Variants in AKAP10 observed in about 807,000 individuals in gnomAD.
The protein encoded by AKAP10 is A-kinase anchoring protein 10.
Under a neutral mutation model 80.8 loss-of-function variants are expected in AKAP10, and 24 were observed. The ratio of observed to expected loss-of-function variants is 0.30; its 90% CI spans 0.22 to 0.42. The LOEUF is 0.42. Among genes scored for constraint, AKAP10 ranks in the 10% least tolerant of loss-of-function variants. The probability of loss-of-function intolerance (pLI) is 1.00; values close to 1 mark genes in which losing one functional copy is unlikely to be tolerated. For synonymous variants in AKAP10, 291 were observed against 277.7 expected, an observed-to-expected ratio of 1.05 and a Z score of -0.48; for missense variants, 661 against 794.9, an observed-to-expected ratio of 0.83 and a Z score of 2.03.
chr17:19,962,293 TATACAC>T (rs879322390), intron 3 of AKAP10, among the ~76,000 whole-genome samples: 14,223 of 131,384 alleles, frequency 0.11, 712 homozygotes, highest in Admixed American at 0.14. Flanking sequence ...CATACATACA[TATACAC>T]ACACACACAC....
intron 4 of AKAP10, among the ~76,000 whole-genome samples, chr17:19,954,474 T>C (rs1316352488): frequency 6.7e-6 from 1 of 149,416 alleles, no homozygotes; most frequent in Non-Finnish European, 1.5e-5. Flanking sequence ...ACGTAAAGTG[T>C]AAAACCATAA....
At position 19,906,102 on chromosome 17, in the gene AKAP10, C is replaced by A; in HGVS notation, c.*125G>T. ...GTCTAGGATTGTCTCCCATTCTCTC[C>A]TGGAAACAACAGTGACAGATCAGAA... On this transcript the variant is annotated 3_prime_UTR_variant, in exon 15 of 15. Coordinates refer to ENST00000225737, the MANE Select transcript of AKAP10 (RefSeq NM_007202.4). 9.2e-7 allele frequency: 1 copy of A among 1,090,622 alleles called. No individual in the cohort carries two copies. The highest frequency in any genetic ancestry group is 1.5e-5 in the South Asian group (1 of 67,576). 67.6% of individuals were successfully genotyped at this position (1,090,622 alleles called of 1,614,324 possible). A position where few individuals can be genotyped will look rare whatever the true frequency, so the allele number is the denominator to read the frequency against.
chr17:19,977,703 G>A lies in AKAP10; in HGVS notation c.-24C>T, dbSNP rs1221480366. 5 of 1,221,316 alleles carry A rather than the reference G, an allele frequency of 4.1e-6. No homozygotes were observed. Among genetic ancestry groups the A allele is most frequent in the South Asian group, 4.1e-5 (1 of 24,106 alleles). 75.7% of individuals were successfully genotyped at this position (1,221,316 alleles called of 1,614,324 possible). A position where few individuals can be genotyped will look rare whatever the true frequency, so the allele number is the denominator to read the frequency against. ...ATTCAGCAACCGGCCCGGACTTCCGGGTCCAGAGGGGCCGCTGCACTAGCG... is the reference window on the plus strand; with the variant it reads ...ATTCAGCAACCGGCCCGGACTTCCGAGTCCAGAGGGGCCGCTGCACTAGCG... On this transcript the variant is annotated 5_prime_UTR_variant, in exon 1 of 15. Coordinates refer to ENST00000225737, the MANE Select transcript of AKAP10 (RefSeq NM_007202.4).
intron 8 of AKAP10, among the ~76,000 whole-genome samples, chr17:19,938,965 C>T (rs769523075): frequency 2.6e-5 from 4 of 152,116 alleles, no homozygotes; most frequent in Admixed American, 2.0e-4. Flanking sequence ...TTCCTGGGCT[C>T]AAGCGATTCA....
Position 19,905,248 on chromosome 17 carries a change from A to C in AKAP10, c.*979T>G, listed in dbSNP as rs531470809. On this transcript the variant is annotated 3_prime_UTR_variant, in exon 15 of 15. Transcript: ENST00000225737. Reference sequence around the variant, plus strand: ...TTACTATCCTAAAGAAAGGAGAAGAAAGACGACCAACTGCACACTTTCCAG... The same window carrying C: ...TTACTATCCTAAAGAAAGGAGAAGACAGACGACCAACTGCACACTTTCCAG... 1 of 152,174 alleles carries C rather than the reference A, an allele frequency of 6.6e-6. No individual in the cohort carries two copies. Among genetic ancestry groups the C allele is most frequent in the South Asian group, 2.1e-4 (1 of 4,812 alleles). The allele number at this position is 152,174 out of a possible 1,614,324, so 9.4% of individuals were successfully genotyped here. A position where few individuals can be genotyped will look rare whatever the true frequency, so the allele number is the denominator to read the frequency against.
At chr17:19,977,407 G>A (rs942115501) in intron 1 of AKAP10, among the ~76,000 whole-genome samples, 185 bp downstream of exon 1, 1 of 152,240 alleles carries the variant, frequency 6.6e-6, no homozygotes, top group South Asian at 2.1e-4. Flanking sequence ...CCTCGCGCAA[G>A]AAGGCCACCT....
intron 9 of AKAP10, among the ~76,000 whole-genome samples, chr17:19,933,010 C>T (rs927819070): frequency 3.3e-5 from 5 of 151,716 alleles, no homozygotes; most frequent in African/African-American, 1.2e-4. Context: ...TTAATACGTG[C>T]CTTTGTTGTT....
At position 19,954,465 on chromosome 17, in the gene AKAP10, C is replaced by T. The variant is rs76264306; in HGVS notation, c.877+3549G>A. On this transcript the variant is annotated intron_variant, in intron 4 of 14. Transcript: ENST00000225737. ...AACTCAAAAAAGATATATATCTAAA[C>T]GTAAAGTGTAAAACCATAATACTTT... is the stretch of plus-strand genomic sequence containing the variant. Among the ~76,000 whole-genome samples, 395 of 150,842 alleles carry T rather than the reference C, an allele frequency of 2.6e-3. 14 individuals are homozygous for T. In the East Asian group the frequency reaches 0.072, roughly 28 times the overall value.
At chr17:19,965,595 G>A (rs2043406511) in intron 2 of AKAP10, among the ~76,000 whole-genome samples, 1 of 152,100 alleles carries the variant, frequency 6.6e-6, no homozygotes, top group African/African-American at 2.4e-5. Context: ...TAAGAAGCTG[G>A]GCTGGTAGGG....
chr17:19,950,427 A>G (rs1048074264), intron 4 of AKAP10, among the ~76,000 whole-genome samples: 16 of 152,222 alleles, frequency 1.1e-4, no homozygotes, highest in Admixed American at 7.2e-4. Context: ...CTCCTGCCTC[A>G]GCCTGCAGAG....
At position 19,933,551 on chromosome 17, in the gene AKAP10, T is replaced by C. The variant is rs563089548; in HGVS notation, c.1468-1573A>G. Among the ~76,000 whole-genome samples the C allele has an allele frequency of 2.0e-5, 3 of 152,348 alleles. No individual in the cohort carries two copies. In the East Asian group the frequency reaches 5.8e-4, roughly 29 times the overall value. ...CTATTTTTGCATTTTTCTCTCTGCATTTTAATTTTATTACCCTGAAAATTT... is the reference window on the plus strand; with the variant it reads ...CTATTTTTGCATTTTTCTCTCTGCACTTTAATTTTATTACCCTGAAAATTT... On this transcript the variant is annotated intron_variant, in intron 9 of 14. Transcript: ENST00000225737.
rs1253451239 is a variant in AKAP10, at chr17:19,909,231, CACTG to C, written c.1929_1932del (p.Ser644ThrfsTer12). On this transcript the variant is annotated frameshift_variant, in exon 14 of 15. Coordinates refer to ENST00000225737, the MANE Select transcript of AKAP10 (RefSeq NM_007202.4). LOFTEE classifies it high-confidence loss of function. Reference sequence around the variant, plus strand: ...TCATACTGAGCCTGCTGCATAATGTCACTGACTATCATTTTAGCAATCTTCCAAG... The same window carrying C: ...TCATACTGAGCCTGCTGCATAATGTCACTATCATTTTAGCAATCTTCCAAG... The C allele has an allele frequency of 1.9e-6, 3 of 1,613,550 alleles. No homozygotes were observed. The highest frequency in any genetic ancestry group is 1.3e-5 in the African/African-American group (1 of 74,896).
chr17:19,968,334 G>A, intron 2 of AKAP10, 80 bp downstream of exon 2: 1 of 1,064,826 alleles, frequency 9.4e-7, no homozygotes. Context: ...CCAAAAGAGA[G>A]AGTATAACAG....
chr17:19,951,278 G>T (rs1344665830), intron 4 of AKAP10, among the ~76,000 whole-genome samples: 4 of 129,666 alleles, frequency 3.1e-5, no homozygotes, highest in South Asian at 2.5e-4. Context: ...GGAGGGAGGT[G>T]GGGGGCGCCT....
At chr17:19,936,244 T>A in intron 9 of AKAP10, 42 bp downstream of exon 9, 1 of 1,583,154 alleles carries the variant, frequency 6.3e-7, no homozygotes, top group Non-Finnish European at 8.6e-7. Context: ...GTTCTACCAA[T>A]AAAACTTCTT....
intron 6 of AKAP10, 145 bp downstream of exon 6, chr17:19,941,681 G>A: frequency 2.1e-6 from 1 of 465,694 alleles, no homozygotes; most frequent in Admixed American, 4.3e-5. Flanking sequence ...TGTTAACCAA[G>A]ATAGAGTATG....
At chr17:19,977,262 T>C (rs2043580990) in intron 1 of AKAP10, among the ~76,000 whole-genome samples, 1 of 152,192 alleles carries the variant, frequency 6.6e-6, no homozygotes, top group African/African-American at 2.4e-5. Flanking sequence ...AGAGATTTCC[T>C]TGATCTTGAT....
intron 5 of AKAP10, 98 bp downstream of exon 5, chr17:19,947,308 TC>T (rs1423386357): frequency 1.1e-6 from 1 of 908,238 alleles, no homozygotes; most frequent in African/African-American, 1.7e-5. Flanking sequence ...ACTGCTAAAT[TC>T]CATGTTAAGA....
chr17:19,915,652 T>C lies in AKAP10; in HGVS notation c.1834+4384A>G, dbSNP rs368659074. On this transcript the variant is annotated intron_variant, in intron 12 of 14. Transcript: ENST00000225737. ...GGGCATGTCTCAATTAAATTAATAA[T>C]ACAAGTAACTTCATAGATGGGCTTG... is the stretch of plus-strand genomic sequence containing the variant. Among the ~76,000 whole-genome samples, 21 of 152,346 alleles carry C rather than the reference T, an allele frequency of 1.4e-4. No individual in the cohort carries two copies. The East Asian group carries it at 3.7e-3, about 27-fold the overall frequency.
Sources: gnomAD v4.1 joint callset for allele counts (sites outside exome capture counted in the v4.1 genomes callset) on GRCh38, gnomAD v4.1.1 for gene constraint, MANE v1.5 for transcripts, NCBI Gene and HGNC (gene_info 2026-07-23, HGNC 2026-07-21) for gene names.